The following SPOCK1 variants were observed in gnomAD, a reference collection of about 807,000 sequenced individuals.
The protein encoded by SPOCK1 is testican-1.
A neutral mutation model predicts 55.3 loss-of-function variants in SPOCK1; 23 were observed. That is an observed-to-expected ratio of 0.42 (90% CI 0.30 to 0.59). The LOEUF (loss-of-function observed/expected upper bound fraction) is 0.59. Ranked by LOEUF, SPOCK1 falls within the 20% of genes least tolerant of loss-of-function variation. The pLI is 0.22. For synonymous variants in SPOCK1, 226 were observed against 221.0 expected (o/e 1.02, Z -0.20); for missense variants, 499 against 552.5 (o/e 0.90, Z 0.97).
At chr5:137,141,682 T>C (rs1561624860) in intron 3 of SPOCK1, among the ~76,000 whole-genome samples, 1 of 152,190 alleles carries the variant, frequency 6.6e-6, no homozygotes, top group Non-Finnish European at 1.5e-5. Context: ...AATTGGATCT[T>C]GAAGGATGGG....
intron 2 of SPOCK1, among the ~76,000 whole-genome samples, chr5:137,270,854 T>C (rs888901372): frequency 1.3e-5 from 2 of 151,904 alleles, no homozygotes; most frequent in African/African-American, 4.8e-5. Context: ...AATACAAAAG[T>C]AGCTAGGTGT....
Position 137,109,389 on chromosome 5 carries a change from T to C in SPOCK1, c.474+3046A>G, listed in dbSNP as rs549284925. ...TGCACCCCATTGACTCAAATCCAAG[T>C]TGAGTTATGCGGACTGGAATCTCCC... is the stretch of plus-strand genomic sequence containing the variant. On this transcript the variant is annotated intron_variant, in intron 5 of 10. Transcript: ENST00000394945. 2.8e-4 allele frequency among the ~76,000 whole-genome samples: 42 copies of C among 152,322 alleles called. No homozygotes were observed. In the South Asian group the frequency reaches 7.0e-3, roughly 26 times the overall value.
chr5:137,179,850 A>G (rs1157718016), intron 3 of SPOCK1, among the ~76,000 whole-genome samples: 1 of 152,136 alleles, frequency 6.6e-6, no homozygotes, highest in African/African-American at 2.4e-5. Flanking sequence ...TTAAATGTAG[A>G]TGAGGTCTTC....
chr5:137,406,889 T>C (rs549925747), intron 2 of SPOCK1, among the ~76,000 whole-genome samples: 25 of 152,354 alleles, frequency 1.6e-4, no homozygotes, highest in Admixed American at 3.9e-4. Context: ...AGTGCTTCAA[T>C]AGACTAATAT....
chr5:137,141,391 T>C (rs1754095769), intron 3 of SPOCK1, among the ~76,000 whole-genome samples: 2 of 152,258 alleles, frequency 1.3e-5, no homozygotes, highest in Admixed American at 6.5e-5. Context: ...TTATTTCCTA[T>C]GAAAAGTCCT....
Position 137,129,856 on chromosome 5 carries a change from C to A in SPOCK1, c.347+10724G>T, listed in dbSNP as rs146282961. ...AATGGCTGGTTATTGTTTAGCTACACCTACATTTTAGCCGAATTCAGACCC... is the reference window on the plus strand; with the variant it reads ...AATGGCTGGTTATTGTTTAGCTACAACTACATTTTAGCCGAATTCAGACCC... On this transcript the variant is annotated intron_variant, in intron 4 of 10. Transcript: ENST00000394945. Among the ~76,000 whole-genome samples the A allele has an allele frequency of 2.4e-3, 363 of 152,266 alleles. 6 individuals are homozygous for A. The highest frequency in any genetic ancestry group is 8.5e-3 in the African/African-American group (353 of 41,542).
At chr5:137,366,449 C>A (rs534667317) in intron 2 of SPOCK1, among the ~76,000 whole-genome samples, 26 of 152,264 alleles carry the variant, frequency 1.7e-4, no homozygotes, top group Non-Finnish European at 3.5e-4. Context: ...ATTTTTCCGA[C>A]AAGAAAAGAC....
intron 7 of SPOCK1, among the ~76,000 whole-genome samples, chr5:136,989,117 G>A (rs541351690): frequency 6.6e-6 from 1 of 152,310 alleles, no homozygotes; most frequent in Non-Finnish European, 1.5e-5. Context: ...CATCCCAGAG[G>A]ACCTTTAAAT....
intron 2 of SPOCK1, among the ~76,000 whole-genome samples, chr5:137,290,848 A>G (rs1757357675): frequency 1.3e-5 from 2 of 152,224 alleles, no homozygotes; most frequent in Admixed American, 1.3e-4. Flanking sequence ...CAACCCTGAC[A>G]GGTCTGGAAA....
Position 137,044,966 on chromosome 5 carries a change from C to T in SPOCK1, c.589+22749G>A, listed in dbSNP as rs868144617. Among the ~76,000 whole-genome samples, 285 of 138,702 alleles carry T rather than the reference C, an allele frequency of 2.1e-3. 1 individual carries two copies. Among genetic ancestry groups the T allele is most frequent in the Middle Eastern group, 0.011 (3 of 284 alleles). The allele number at this position is 138,702 out of a possible 152,430, so 91.0% of individuals were successfully genotyped here. On this transcript the variant is annotated intron_variant, in intron 6 of 10. Transcript: ENST00000394945. ...ATTTCATCCATGTCCCTACAAAGGACATGAACTCATCATTTTTTATGGCTG... is the reference window on the plus strand; with the variant it reads ...ATTTCATCCATGTCCCTACAAAGGATATGAACTCATCATTTTTTATGGCTG...
At chr5:137,404,430 GAC>G (rs1752050982) in intron 2 of SPOCK1, among the ~76,000 whole-genome samples, 1 of 96,216 alleles carries the variant, frequency 1.0e-5, no homozygotes, top group Non-Finnish European at 2.1e-5. Flanking sequence ...TTTTTTTTGA[GAC>G]AGAGTCTTGC....
intron 2 of SPOCK1, among the ~76,000 whole-genome samples, chr5:137,298,943 C>A (rs1580853557): frequency 1.3e-5 from 2 of 152,184 alleles, no homozygotes; most frequent in Middle Eastern, 6.8e-3. Flanking sequence ...TCCAGTCTGA[C>A]AATTTCTGAT....
At chr5:137,432,396 T>A (rs554326048) in intron 2 of SPOCK1, among the ~76,000 whole-genome samples, 1 of 137,802 alleles carries the variant, frequency 7.3e-6, no homozygotes, top group Admixed American at 7.7e-5. Context: ...AAATGTAGTA[T>A]ATAATACAAC....
rs150548984 is a variant in SPOCK1, at chr5:137,456,030, A to C, written c.186+42343T>G. Among the ~76,000 whole-genome samples the C allele has an allele frequency of 5.3e-4, 80 of 152,226 alleles. 1 individual carries two copies. The highest frequency in any genetic ancestry group is 1.9e-3 in the African/African-American group (77 of 41,532). On this transcript the variant is annotated intron_variant, in intron 2 of 10. Coordinates refer to ENST00000394945, the MANE Select transcript of SPOCK1 (RefSeq NM_004598.4). ...GCAACAGAGTAAGACCCTATCTCTA[A>C]AATGGAGGAGGAAGAAGAAAAAAGG...
intron 2 of SPOCK1, among the ~76,000 whole-genome samples, chr5:137,489,690 G>C (rs571390600): frequency 1.3e-5 from 2 of 152,350 alleles, no homozygotes; most frequent in East Asian, 3.9e-4. Context: ...TGTGTGTTAA[G>C]TTGAAAATGT....
chr5:137,179,193 T>A (rs969236805), intron 3 of SPOCK1, among the ~76,000 whole-genome samples: 3 of 152,158 alleles, frequency 2.0e-5, no homozygotes, highest in African/African-American at 7.2e-5. Context: ...TATAGTGGTT[T>A]AATAAAAATA....
rs147089464 is a variant in SPOCK1, at chr5:137,391,625, G to A, written c.186+106748C>T. On this transcript the variant is annotated intron_variant, in intron 2 of 10. Coordinates refer to ENST00000394945, the MANE Select transcript of SPOCK1 (RefSeq NM_004598.4). ...TTTCTCCCAGCCCCACCAAACCCCC[G>A]ATTCACTCGGTGCCTCCCCAGGTCC... 3.3e-5 allele frequency among the ~76,000 whole-genome samples: 5 copies of A among 152,000 alleles called. No homozygotes were observed. The East Asian group carries it at 5.8e-4, about 18-fold the overall frequency.
At chr5:137,496,653 G>A (rs774119818) in intron 2 of SPOCK1, among the ~76,000 whole-genome samples, 17 of 152,178 alleles carry the variant, frequency 1.1e-4, no homozygotes, top group Middle Eastern at 3.4e-3. Flanking sequence ...AAAACAAAAA[G>A]CAAAATTATC....
chr5:137,424,715 T>C (rs1324776989), intron 2 of SPOCK1, among the ~76,000 whole-genome samples: 2 of 152,110 alleles, frequency 1.3e-5, no homozygotes, highest in African/African-American at 4.8e-5. Context: ...CTAAAAAAGA[T>C]TGTGCTAAGG....
Sources: gnomAD v4.1 joint callset for allele counts (sites outside exome capture counted in the v4.1 genomes callset) on GRCh38, gnomAD v4.1.1 for gene constraint, MANE v1.5 for transcripts, NCBI Gene and HGNC (gene_info 2026-07-23, HGNC 2026-07-21) for gene names.